Variants in CACNA2D1 observed in about 807,000 individuals in gnomAD.
The protein encoded by CACNA2D1 is calcium voltage-gated channel auxiliary subunit alpha2delta 1.
Under a neutral mutation model 171.5 loss-of-function variants are expected in CACNA2D1, and 53 were observed. The ratio of observed to expected loss-of-function variants is 0.31; its 90% confidence interval spans 0.25 to 0.39. CACNA2D1 has a LOEUF of 0.39. CACNA2D1 is among the 10% of genes least tolerant of loss of function. The pLI is 1.00. For missense variants in CACNA2D1, 903 were observed against 1,299.8 expected, an observed-to-expected ratio of 0.69 and a Z score of 4.69; for synonymous variants, 442 against 443.1, an observed-to-expected ratio of 1.00 and a Z score of 0.03.
intron 3 of CACNA2D1, among the ~76,000 whole-genome samples, chr7:82,239,809 C>T (rs552622018): frequency 6.6e-6 from 1 of 152,186 alleles, no homozygotes; most frequent in South Asian, 2.1e-4. Context: ...GGTCATTACC[C>T]TATCTGCAGG....
At chr7:81,973,967 A>G (rs1190313544) in intron 25 of CACNA2D1, among the ~76,000 whole-genome samples, 2 of 152,034 alleles carry the variant, frequency 1.3e-5, no homozygotes, top group Admixed American at 1.3e-4. Context: ...TTTTTAAGAC[A>G]TAAAGTTAAC....
intron 38 of CACNA2D1, among the ~76,000 whole-genome samples, chr7:81,952,572 C>T (rs544322806): frequency 6.6e-6 from 1 of 152,176 alleles, no homozygotes; most frequent in South Asian, 2.1e-4. Context: ...ACATTGTCTC[C>T]TTGAAATACG....
chr7:82,063,106 T>C (rs1428662928), intron 9 of CACNA2D1, among the ~76,000 whole-genome samples: 1 of 152,136 alleles, frequency 6.6e-6, no homozygotes, highest in Non-Finnish European at 1.5e-5. Flanking sequence ...TAGGAAGACC[T>C]CAATACATTT....
chr7:81,978,826 T>A (rs1185935154), intron 24 of CACNA2D1, among the ~76,000 whole-genome samples: 10 of 143,776 alleles, frequency 7.0e-5, no homozygotes, highest in African/African-American at 1.5e-4. Flanking sequence ...ATATATTTAT[T>A]TATTTATTTA....
intron 3 of CACNA2D1, among the ~76,000 whole-genome samples, chr7:82,236,956 C>T (rs1803657654): frequency 1.3e-5 from 2 of 151,840 alleles, no homozygotes; most frequent in African/African-American, 4.8e-5. Flanking sequence ...CTTCCTCAAC[C>T]ATGGTTAAAT....
chr7:82,349,571 A>G lies in CACNA2D1; in HGVS notation c.174T>C (p.Val58=), dbSNP rs771474248. The G allele has an allele frequency of 2.5e-6, 4 of 1,612,710 alleles. No individual in the cohort carries two copies. The Admixed American group carries it at 6.7e-5, about 27-fold the overall frequency. ...AKTASGVNQL[V]DIYEKYQDLY... ...CTCTTTGGTGGATTTTACTCACATC[A>G]ACAAGCTGATTGACTCCACTTGCTG... Residue 58 remains valine, a synonymous_variant, in exon 2 of 39, where the codon GTT becomes GTC. Coordinates refer to ENST00000356860, the MANE Select transcript of CACNA2D1 (RefSeq NM_000722.4).
Position 82,074,723 on chromosome 7 carries a change from C to T in CACNA2D1, c.659-8199G>A, listed in dbSNP as rs1303327441. On this transcript the variant is annotated intron_variant, in intron 7 of 38. Transcript: ENST00000356860. ...TTGTTCTTATCAGTCTTTCCTCCTT[C>T]GTCCAGACTTAATTACACTGATCTA... Among the ~76,000 whole-genome samples, 6 of 152,250 alleles carry T rather than the reference C, an allele frequency of 3.9e-5. No individual in the cohort carries two copies. The South Asian group carries it at 8.3e-4, about 21-fold the overall frequency.
At chr7:82,154,129 T>C (rs773302465) in intron 4 of CACNA2D1, among the ~76,000 whole-genome samples, 70 of 152,166 alleles carry the variant, frequency 4.6e-4, no homozygotes, top group Non-Finnish European at 8.2e-4. Context: ...GTGAAAAACA[T>C]AATGTGTGTA....
In CACNA2D1 at chr7:82,020,173, A is replaced by C. The variant is rs191485105; in HGVS notation, c.1144-5694T>G. 2.0e-5 allele frequency among the ~76,000 whole-genome samples: 3 copies of C among 152,302 alleles called. No individual in the cohort carries two copies. In the East Asian group the frequency reaches 5.8e-4, roughly 29 times the overall value. On this transcript the variant is annotated intron_variant, in intron 12 of 38. Transcript: ENST00000356860. ...ACCTTAGCCTATGAAAGCTGTAAGGAGCAGATCCCTGTGGGGAAGTCTTGC... is the reference window on the plus strand; with the variant it reads ...ACCTTAGCCTATGAAAGCTGTAAGGCGCAGATCCCTGTGGGGAAGTCTTGC...
intron 1 of CACNA2D1, among the ~76,000 whole-genome samples, chr7:82,382,728 C>T (rs1461745216): frequency 1.3e-5 from 2 of 152,164 alleles, no homozygotes; most frequent in African/African-American, 4.8e-5. Flanking sequence ...GTTACATGGC[C>T]TAAAATGGTG....
At chr7:82,421,996 C>T (rs1828759266) in intron 1 of CACNA2D1, among the ~76,000 whole-genome samples, 1 of 152,156 alleles carries the variant, frequency 6.6e-6, no homozygotes, top group African/African-American at 2.4e-5. Flanking sequence ...AAGGCCTAAC[C>T]ATCCCCTAAG....
At position 81,959,813 on chromosome 7, in the gene CACNA2D1, T is replaced by G. The variant is rs749398266; in HGVS notation, c.2983A>C (p.Lys995Gln). The change falls in exon 37 of 39, where the codon AAG becomes CAG. Residue 995 changes from lysine to glutamine, a missense_variant. Physicochemically the swap from Lys to Gln is moderately conservative, Grantham distance 53 (BLOSUM62 1). Coordinates refer to ENST00000356860, the MANE Select transcript of CACNA2D1 (RefSeq NM_000722.4). ...AATATTAAGTTGGTGTTCATAAGCT[T>G]TTCTCCATGAAAGATTCTGCAAAAT... Reference protein sequence around the residue: ...GNCSRIFHGEKLMNTNLIFIM... With the variant: ...GNCSRIFHGEQLMNTNLIFIM... The G allele has an allele frequency of 2.1e-5, 34 of 1,612,184 alleles. No individual in the cohort carries two copies. In the Admixed American group the frequency reaches 5.7e-4, roughly 27 times the overall value.
At chr7:81,976,797 C>T (rs1009296045) in intron 24 of CACNA2D1, among the ~76,000 whole-genome samples, 3 of 151,972 alleles carry the variant, frequency 2.0e-5, no homozygotes, top group South Asian at 2.1e-4. Context: ...GAGGTTGCAG[C>T]GAGCAGAGAT....
At chr7:82,290,847 C>T (rs1167713623) in intron 3 of CACNA2D1, among the ~76,000 whole-genome samples, 1 of 151,704 alleles carries the variant, frequency 6.6e-6, no homozygotes, top group East Asian at 2.0e-4. Context: ...CCACTCACCT[C>T]GGCCTCCCAA....
At chr7:82,278,130 T>C (rs753663911) in intron 3 of CACNA2D1, among the ~76,000 whole-genome samples, 21 of 152,190 alleles carry the variant, frequency 1.4e-4, no homozygotes, top group Non-Finnish European at 2.6e-4. Context: ...AACCTTCATT[T>C]ATTCAACTTT....
chr7:82,358,967 T>A (rs1426973401), intron 1 of CACNA2D1, among the ~76,000 whole-genome samples: 1 of 152,220 alleles, frequency 6.6e-6, no homozygotes, highest in Non-Finnish European at 1.5e-5. Context: ...TTGGGGTTGA[T>A]AGTAACATAG....
chr7:82,308,977 G>C (rs578196133), intron 3 of CACNA2D1, among the ~76,000 whole-genome samples: 17 of 152,160 alleles, frequency 1.1e-4, no homozygotes, highest in Non-Finnish European at 2.1e-4. Context: ...TTTGGAAGTT[G>C]GCAAATGAGA....
At chr7:81,997,369 A>T (rs1798150026) in intron 18 of CACNA2D1, 119 bp from the exon 19 acceptor site, 2 of 611,036 alleles carry the variant, frequency 3.3e-6, no homozygotes, top group Admixed American at 4.8e-5. Flanking sequence ...CAATAATTGT[A>T]TAAAGGTATC....
intron 34 of CACNA2D1, among the ~76,000 whole-genome samples, chr7:81,962,803 C>T (rs995520071): frequency 3.3e-5 from 5 of 151,908 alleles, no homozygotes; most frequent in African/African-American, 4.8e-5. Context: ...TGTTTCAGCG[C>T]GTAGGTTTTC....
Sources: gnomAD v4.1 joint callset for allele counts (sites outside exome capture counted in the v4.1 genomes callset) on GRCh38, gnomAD v4.1.1 for gene constraint, MANE v1.5 for transcripts, NCBI Gene and HGNC (gene_info 2026-07-23, HGNC 2026-07-21) for gene names.